AEBP2: variants seen among roughly 807,000 people sequenced by gnomAD.
AEBP2 encodes AE binding protein 2.
AEBP2 carries 10 observed loss-of-function variants against 50.8 expected under a neutral mutation model. That is an observed-to-expected ratio of 0.20 (90% CI 0.12 to 0.33). The LOEUF (loss-of-function observed/expected upper bound fraction) is 0.33. Ranked by LOEUF, AEBP2 falls within the 10% of genes least tolerant of loss-of-function variation. The probability of loss-of-function intolerance (pLI) is 1.00; values close to 1 mark genes in which losing one functional copy is unlikely to be tolerated. For missense variants in AEBP2, 570 were observed against 688.0 expected (o/e 0.83, Z 1.92); for synonymous variants, 296 against 261.3 (o/e 1.13, Z -1.28).
intron 1 of AEBP2, among the ~76,000 whole-genome samples, chr12:19,451,737 C>G (rs1238402399): frequency 2.7e-5 from 4 of 150,572 alleles, no homozygotes; most frequent in Admixed American, 6.6e-5. Context: ...GTTGCCCAGG[C>G]TGGAGTACAG....
At chr12:19,453,509 C>T (rs1001886040) in intron 1 of AEBP2, among the ~76,000 whole-genome samples, 13 of 151,430 alleles carry the variant, frequency 8.6e-5, no homozygotes, top group Admixed American at 7.2e-4. Context: ...CTGTAGCCTC[C>T]GCTTCCTGGG....
chr12:19,500,805 G>T (rs1949056728), intron 5 of AEBP2, among the ~76,000 whole-genome samples: 1 of 152,152 alleles, frequency 6.6e-6, no homozygotes, highest in Non-Finnish European at 1.5e-5. Context: ...TGACTATGTT[G>T]TCAACAGAGA....
At chr12:19,467,635 ACT>A (rs1948501447) in intron 2 of AEBP2, among the ~76,000 whole-genome samples, 2 of 152,126 alleles carry the variant, frequency 1.3e-5, no homozygotes, top group East Asian at 3.9e-4. Context: ...TGAAGATTAG[ACT>A]CTGAGTTATC....
chr12:19,428,241 A>C (rs2095749577), intron 1 of AEBP2, among the ~76,000 whole-genome samples: 1 of 152,170 alleles, frequency 6.6e-6, no homozygotes, highest in African/African-American at 2.4e-5. Context: ...GTCTCAAAAA[A>C]ATAAAAGAGA....
intron 1 of AEBP2, among the ~76,000 whole-genome samples, chr12:19,433,639 G>A (rs994050269): frequency 7.9e-5 from 12 of 151,706 alleles, no homozygotes; most frequent in African/African-American, 2.9e-4. Flanking sequence ...AATTAGCTGG[G>A]CGTGATGGCA....
chr12:19,427,163 G>T lies in AEBP2; in HGVS notation c.-17+22947G>T, dbSNP rs188258152. Among the ~76,000 whole-genome samples the T allele has an allele frequency of 1.3e-3, 195 of 152,042 alleles. 2 individuals carry two copies. Among genetic ancestry groups the T allele is most frequent in the African/African-American group, 4.5e-3 (185 of 41,448 alleles). On this transcript the variant is annotated intron_variant, in intron 1 of 3. Transcript: ENST00000538425. ...AGGCTGAGGTGGGTGGATCACATGA[G>T]GTCAGGAGTTTGAAACCATCCTTGC...
At chr12:19,449,867 G>A (rs532075805) in intron 1 of AEBP2, among the ~76,000 whole-genome samples, 5 of 152,048 alleles carry the variant, frequency 3.3e-5, no homozygotes, top group African/African-American at 7.2e-5. Context: ...CATTTACTAC[G>A]TGCAAGGCTC....
intron 1 of AEBP2, among the ~76,000 whole-genome samples, chr12:19,430,584 C>T (rs547806649): frequency 1.4e-4 from 22 of 152,180 alleles, no homozygotes; most frequent in South Asian, 2.1e-4. Context: ...CCAATTTTCA[C>T]GATATTGATT....
chr12:19,489,040 C>T (rs1028806749), intron 3 of AEBP2, among the ~76,000 whole-genome samples: 3 of 152,140 alleles, frequency 2.0e-5, no homozygotes, highest in Non-Finnish European at 2.9e-5. Context: ...CCACCTGCCT[C>T]GGCCTGCCAG....
Position 19,517,289 on chromosome 12 carries a change from A to G in AEBP2, c.1482-798A>G, listed in dbSNP as rs144973381. Reference sequence around the variant, plus strand: ...CTTGTGCACATGTCAAAATGAAAGTATGGCAAACCTTCTGCAAAATAGATA... The same window carrying G: ...CTTGTGCACATGTCAAAATGAAAGTGTGGCAAACCTTCTGCAAAATAGATA... On this transcript the variant is annotated intron_variant, in intron 7 of 7. Coordinates refer to ENST00000266508, the MANE Select transcript of AEBP2 (RefSeq NM_153207.5). Among the ~76,000 whole-genome samples, 1,223 of 152,326 alleles carry G rather than the reference A, an allele frequency of 8.0e-3. 16 individuals carry two copies. The highest frequency in any genetic ancestry group is 0.028 in the African/African-American group (1,148 of 41,558).
At chr12:19,513,269 A>C (rs559893609) in intron 6 of AEBP2, among the ~76,000 whole-genome samples, 6 of 151,854 alleles carry the variant, frequency 4.0e-5, no homozygotes, top group Non-Finnish European at 8.8e-5. Context: ...CAGTGATTAC[A>C]TTTTTCTTTA....
At chr12:19,443,730 GAT>G (rs1334908198) in intron 1 of AEBP2, among the ~76,000 whole-genome samples, 2 of 151,952 alleles carry the variant, frequency 1.3e-5, no homozygotes, top group Non-Finnish European at 2.9e-5. Context: ...CTCAAAAAAA[GAT>G]AATTAAATAT....
chr12:19,492,728 G>C (rs1948913256), intron 3 of AEBP2, among the ~76,000 whole-genome samples: 1 of 152,030 alleles, frequency 6.6e-6, no homozygotes, highest in Non-Finnish European at 1.5e-5. Flanking sequence ...GCTCTGTGGG[G>C]GGCCTAGGCA....
At chr12:19,409,473 A>C (rs928299984) in intron 1 of AEBP2, among the ~76,000 whole-genome samples, 1 of 151,104 alleles carries the variant, frequency 6.6e-6, no homozygotes, top group Non-Finnish European at 1.5e-5. Context: ...AACTCACTGG[A>C]AAATGGCTTC....
chr12:19,469,802 T>C (rs1389221515), intron 2 of AEBP2, among the ~76,000 whole-genome samples: 1 of 152,238 alleles, frequency 6.6e-6, no homozygotes, highest in East Asian at 1.9e-4. Context: ...CAATTTGCTG[T>C]ACCATGAGAG....
intron 1 of AEBP2, among the ~76,000 whole-genome samples, chr12:19,455,196 T>C (rs891672647): frequency 9.2e-5 from 14 of 151,992 alleles, no homozygotes; most frequent in Non-Finnish European, 4.4e-5. Flanking sequence ...TCTTGCTATG[T>C]TGCCCAGGTT....
At chr12:19,440,762 T>A (rs1302061691) in intron 1 of AEBP2, 1 of 1,533,402 alleles carries the variant, frequency 6.5e-7, no homozygotes. Context: ...GGAACACTTG[T>A]CAGAACTACA....
chr12:19,485,979 G>A (rs1349166557), intron 3 of AEBP2, among the ~76,000 whole-genome samples: 1 of 115,788 alleles, frequency 8.6e-6, no homozygotes, highest in Admixed American at 9.3e-5. Flanking sequence ...CATTTTGTTT[G>A]AAGGTCTGAT....
chr12:19,430,363 GT>G (rs1368575893), intron 1 of AEBP2, among the ~76,000 whole-genome samples: 2 of 152,174 alleles, frequency 1.3e-5, no homozygotes, highest in Non-Finnish European at 2.9e-5. Context: ...GTACCATGCT[GT>G]TTTGGTTACT....
Sources: allele counts gnomAD v4.1 joint callset (sites outside exome capture counted in the v4.1 genomes callset), GRCh38; gene constraint gnomAD v4.1.1; transcripts MANE v1.5; gene names NCBI Gene and HGNC (gene_info 2026-07-23, HGNC 2026-07-21).